FKBP6: variants seen among roughly 807,000 people sequenced by gnomAD.
FKBP6 encodes FKBP prolyl isomerase family member 6 (inactive).
FKBP6 carries 29 observed loss-of-function variants against 41.7 expected under a neutral mutation model. The observed-to-expected ratio is 0.70, with a 90% confidence interval of 0.52 to 0.95. The LOEUF is 0.95. Ranked by LOEUF, FKBP6 falls within the 40% of genes least tolerant of loss-of-function variation. The pLI is 0.00. For missense variants in FKBP6, 338 were observed against 408.7 expected, an observed-to-expected ratio of 0.83 and a Z score of 1.49; for synonymous variants, 130 against 165.1, an observed-to-expected ratio of 0.79 and a Z score of 1.63.
Position 73,328,234 on chromosome 7 carries a change from G to T in FKBP6, c.-195G>T, listed in dbSNP as rs782090759. ...CGTGGCCTCTGTAGTTCCAGAGCTC[G>T]CGAGGGCCAGGGCCGTTGGCGGCGG... On this transcript the variant is annotated 5_prime_UTR_variant, in exon 1 of 9. Transcript: ENST00000252037. 6.5e-7 allele frequency: 1 copy of T among 1,549,098 alleles called. No homozygotes were observed. The highest frequency in any genetic ancestry group is 2.0e-5 in the Admixed American group (1 of 51,000).
chr7:73,354,274 C>T (rs1554551578), intron 8 of FKBP6, among the ~76,000 whole-genome samples: 1 of 152,192 alleles, frequency 6.6e-6, no homozygotes, highest in East Asian at 1.9e-4. Context: ...GAAGTAATCG[C>T]ACTCCCTGCA....
chr7:73,357,986 C>CAA (rs60447125), intron 8 of FKBP6, among the ~76,000 whole-genome samples, 195 bp from the exon 9 acceptor site: 14 of 101,258 alleles, frequency 1.4e-4, no homozygotes, highest in African/African-American at 3.5e-4. Flanking sequence ...GGCTCTGTCT[C>CAA]AAAAAAAAAA....
chr7:73,358,252 C>G lies in FKBP6; in HGVS notation c.*74C>G, dbSNP rs908937736. On this transcript the variant is annotated 3_prime_UTR_variant, in exon 9 of 9. Transcript: ENST00000252037. ...TGGGGGAGTGGAAGGGAGCTCCCAG[C>G]GCAGCCGTGGCAGCCACCTTCCAGG... The G allele has an allele frequency of 2.6e-5, 4 of 152,074 alleles. No individual in the cohort carries two copies. The highest frequency in any genetic ancestry group is 7.2e-5 in the African/African-American group (3 of 41,380). 9.4% of individuals were successfully genotyped at this position (152,074 alleles called of 1,614,324 possible). A position where few individuals can be genotyped will look rare whatever the true frequency, so the allele number is the denominator to read the frequency against.
chr7:73,348,897 G>A (rs1320336407), intron 8 of FKBP6, among the ~76,000 whole-genome samples: 1 of 152,144 alleles, frequency 6.6e-6, no homozygotes, highest in Non-Finnish European at 1.5e-5. Flanking sequence ...TTGAGGTCAG[G>A]AGTTAAAGAC....
chr7:73,357,727 G>A (rs1452529395), intron 8 of FKBP6, among the ~76,000 whole-genome samples: 2 of 151,992 alleles, frequency 1.3e-5, no homozygotes, highest in South Asian at 2.1e-4. Context: ...GCTCACGCCT[G>A]TAATCCCAGC....
rs10651287 is a variant in FKBP6, at chr7:73,335,133, C to CA, written c.588+3376dup. On this transcript the variant is annotated intron_variant, in intron 5 of 8. Coordinates refer to ENST00000252037, the MANE Select transcript of FKBP6 (RefSeq NM_003602.5). ...AATTCTGGTTGTACGTGTTCCTGGCCAAAAAAAAAAAAAAAAAAAGTCCTA... is the reference window on the plus strand; with the variant it reads ...AATTCTGGTTGTACGTGTTCCTGGCCAAAAAAAAAAAAAAAAAAAAGTCCTA... Among the ~76,000 whole-genome samples the CA allele has an allele frequency of 9.8e-3, 771 of 78,838 alleles. 1 individual carries two copies. The highest frequency in any genetic ancestry group is 0.016 in the Admixed American group (111 of 6,940). The allele number at this position is 78,838 out of a possible 152,430, so 51.7% of individuals were successfully genotyped here.
chr7:73,346,296 G>A (rs1171752596), intron 8 of FKBP6, among the ~76,000 whole-genome samples: 1 of 152,242 alleles, frequency 6.6e-6, no homozygotes, highest in African/African-American at 2.4e-5. Context: ...CCGACTGTTG[G>A]TGGGCACTCT....
At chr7:73,349,500 G>T (rs1476326660) in intron 8 of FKBP6, among the ~76,000 whole-genome samples, 1 of 142,808 alleles carries the variant, frequency 7.0e-6, no homozygotes, top group African/African-American at 2.6e-5. Flanking sequence ...TCAGAAGATC[G>T]AGACCATCCT....
rs1583797874 is a variant in FKBP6 at position 73,331,619 on chromosome 7, T to C, written c.469-38T>C. 11 of 1,613,350 alleles carry C rather than the reference T, an allele frequency of 6.8e-6. No homozygotes were observed. In the East Asian group the frequency reaches 1.3e-4, roughly 20 times the overall value. The stretch of plus-strand genomic sequence containing the variant: ...ACTTCCATTGTGGCATTACTGCTTT[T>C]GGTTTCCTTGCTGAATATTCCTGTC... On this transcript the variant is annotated intron_variant, in intron 4 of 8. Coordinates refer to ENST00000252037, the MANE Select transcript of FKBP6 (RefSeq NM_003602.5).
At chr7:73,335,987 C>T (rs1345785679) in intron 5 of FKBP6, among the ~76,000 whole-genome samples, 1 of 152,176 alleles carries the variant, frequency 6.6e-6, no homozygotes, top group Non-Finnish European at 1.5e-5. Flanking sequence ...TGTGTCTCCA[C>T]CTTTTGCTCA....
chr7:73,345,738 G>A (rs1805315710), intron 8 of FKBP6, among the ~76,000 whole-genome samples: 1 of 152,322 alleles, frequency 6.6e-6, no homozygotes, highest in Non-Finnish European at 1.5e-5. Context: ...TAGGAAGACA[G>A]AATCTGACCT....
At chr7:73,335,640 C>T (rs1364981109) in intron 5 of FKBP6, among the ~76,000 whole-genome samples, 4 of 152,144 alleles carry the variant, frequency 2.6e-5, no homozygotes, top group African/African-American at 7.2e-5. Context: ...AACATTTGAC[C>T]TGACCTCCTT....
intron 5 of FKBP6, among the ~76,000 whole-genome samples, chr7:73,339,784 C>T (rs1311011467): frequency 1.3e-5 from 2 of 151,804 alleles, no homozygotes; most frequent in African/African-American, 4.8e-5. Context: ...CAGCTGATTT[C>T]GTATTTTTAG....
chr7:73,329,003 C>CT (rs1178508866), intron 2 of FKBP6, among the ~76,000 whole-genome samples: 14 of 152,070 alleles, frequency 9.2e-5, no homozygotes, highest in African/African-American at 3.4e-4. Context: ...ATGGGGGACT[C>CT]TATGTTGCCC....
intron 4 of FKBP6, 137 bp downstream of exon 4, chr7:73,330,489 C>T (rs1554547501): frequency 1.3e-5 from 9 of 708,748 alleles, no homozygotes; most frequent in Admixed American, 4.1e-5. Context: ...GCGGTGGCGG[C>T]GGAGTTCCTC....
intron 8 of FKBP6, among the ~76,000 whole-genome samples, chr7:73,352,303 T>G (rs1805511973): frequency 6.6e-6 from 1 of 152,246 alleles, no homozygotes; most frequent in Non-Finnish European, 1.5e-5. Context: ...TGGAGTTGTT[T>G]ATGCTTCATG....
intron 8 of FKBP6, among the ~76,000 whole-genome samples, chr7:73,344,902 T>C (rs1034402196): frequency 3.9e-5 from 6 of 152,238 alleles, no homozygotes; most frequent in Admixed American, 3.3e-4. Context: ...ATTTTAACTT[T>C]TGTTCTTTTC....
intron 5 of FKBP6, 43 bp from the exon 6 acceptor site, chr7:73,340,595 A>G: frequency 6.5e-7 from 1 of 1,540,644 alleles, no homozygotes; most frequent in Non-Finnish European, 9.0e-7. Flanking sequence ...TTTTGTACAT[A>G]AGACTGTTAC....
intron 7 of FKBP6, 60 bp from the exon 8 acceptor site, chr7:73,342,747 C>G: frequency 8.6e-7 from 1 of 1,156,100 alleles, no homozygotes; most frequent in South Asian, 1.2e-5. Flanking sequence ...ATTCCAGCCA[C>G]CAGATGTCAC....
Sources: gnomAD v4.1 joint callset for allele counts (sites outside exome capture counted in the v4.1 genomes callset) on GRCh38, gnomAD v4.1.1 for gene constraint, MANE v1.5 for transcripts, NCBI Gene and HGNC (gene_info 2026-07-23, HGNC 2026-07-21) for gene names.